Variants in UGGT2 observed in about 807,000 individuals in gnomAD.
UGGT2 encodes UDP-glucose:glycoprotein glucosyltransferase 2.
A neutral mutation model predicts 192.1 loss-of-function variants in UGGT2; 180 were observed. The ratio of observed to expected loss-of-function variants is 0.94; its 90% confidence interval spans 0.83 to 1.06. The LOEUF is 1.06. UGGT2 is among the 50% of genes least tolerant of loss of function. The pLI, the probability that UGGT2 is intolerant of heterozygous loss-of-function variation, is 0.00. For synonymous variants in UGGT2, 580 were observed against 591.0 expected (o/e 0.98, Z 0.27); for missense variants, 1,849 against 1,795.7 (o/e 1.03, Z -0.54).
intron 30 of UGGT2, among the ~76,000 whole-genome samples, chr13:95,866,889 T>C (rs1355211348): frequency 6.6e-6 from 1 of 152,146 alleles, no homozygotes; most frequent in Non-Finnish European, 1.5e-5. Context: ...CCGTTCCTCA[T>C]TGCTTTTAAA....
At position 95,887,902 on chromosome 13, in the gene UGGT2, G is replaced by C; in HGVS notation, c.3028C>G (p.Pro1010Ala). The C allele has an allele frequency of 6.3e-7, 1 of 1,595,502 alleles. No individual in the cohort carries two copies. ...MNCRGRLSEA[P>A]LESFYRFVLE... The stretch of plus-strand genomic sequence containing the variant: ...TTCACTCAGATTTACCTTTCTAAAG[G>C]GGCTTCTGAAAGCCTGCCCCTACAG... The change falls in exon 26 of 39, where the codon CCT becomes GCT. Residue 1010 changes from proline (P) to alanine (A), a missense_variant. Physicochemically the swap from Pro to Ala is conservative, Grantham distance 27 (BLOSUM62 -1). Transcript: ENST00000376747.
intron 12 of UGGT2, among the ~76,000 whole-genome samples, chr13:95,957,265 C>T (rs1315260085): frequency 6.6e-6 from 1 of 152,186 alleles, no homozygotes; most frequent in East Asian, 1.9e-4. Flanking sequence ...TTGTACAACA[C>T]TGTGAATGTA....
chr13:95,902,829 T>C, intron 21 of UGGT2, 25 bp downstream of exon 21: 1 of 1,597,982 alleles, frequency 6.3e-7, no homozygotes, highest in Non-Finnish European at 8.5e-7. Context: ...TACATACATA[T>C]TTAATATTTC....
At chr13:95,979,977 T>TA (rs775400079) in intron 10 of UGGT2, among the ~76,000 whole-genome samples, 7 of 152,066 alleles carry the variant, frequency 4.6e-5, no homozygotes, top group Non-Finnish European at 1.0e-4. Flanking sequence ...GGGTATAATT[T>TA]AAAAAACCAA....
chr13:95,925,658 G>T, intron 20 of UGGT2, 22 bp downstream of exon 20: 1 of 1,410,966 alleles, frequency 7.1e-7, no homozygotes, highest in African/African-American at 1.4e-5. Flanking sequence ...AAAATTGTTA[G>T]TAAGAATATC....
intron 2 of UGGT2, among the ~76,000 whole-genome samples, chr13:96,024,847 G>A (rs1480306910): frequency 6.6e-6 from 1 of 152,204 alleles, no homozygotes; most frequent in Non-Finnish European, 1.5e-5. Context: ...TTTCTGAGAG[G>A]AGGAAAAGGA....
chr13:95,905,809 A>C lies in UGGT2; in HGVS notation c.2296-2749T>G, dbSNP rs547352988. ...TTTTTTGGTTCCATATGAACTTTAAAGTATACATTATCTTTAAGAAGATTT... is the reference window on the plus strand; with the variant it reads ...TTTTTTGGTTCCATATGAACTTTAACGTATACATTATCTTTAAGAAGATTT... On this transcript the variant is annotated intron_variant, in intron 20 of 38. Coordinates refer to ENST00000376747, the MANE Select transcript of UGGT2 (RefSeq NM_020121.4). 3.9e-5 allele frequency among the ~76,000 whole-genome samples: 6 copies of C among 152,310 alleles called. No individual in the cohort carries two copies. The East Asian group carries it at 1.2e-3, about 29-fold the overall frequency.
rs2052581566 is a variant in UGGT2, at chr13:96,023,664, TTA to T, written c.335_336del (p.Ile112LysfsTer16). ...ATCTGAATAGCTGGGGAGTATGCCC[TTA>T]TAGAGAAAGCAAACTTTAAAAGGTT... ...HINLLKFAFS[I>X]RAYSPAIQMF... On this transcript the variant is annotated frameshift_variant, in exon 3 of 39. Coordinates refer to ENST00000376747, the MANE Select transcript of UGGT2 (RefSeq NM_020121.4). LOFTEE classifies it high-confidence loss of function. 2 of 1,611,936 alleles carry T rather than the reference TTA, an allele frequency of 1.2e-6. No individual in the cohort carries two copies. Among genetic ancestry groups the T allele is most frequent in the South Asian group, 2.2e-5 (2 of 90,888 alleles).
chr13:95,812,459 A>G (rs2139747259), intron 38 of UGGT2, among the ~76,000 whole-genome samples: 1 of 152,350 alleles, frequency 6.6e-6, no homozygotes, highest in Admixed American at 6.5e-5. Flanking sequence ...GATTTTAAGT[A>G]AAAGGATAAA....
chr13:95,865,704 T>C (rs1402423992), intron 30 of UGGT2, among the ~76,000 whole-genome samples: 1 of 152,100 alleles, frequency 6.6e-6, no homozygotes. Context: ...ACCTAGGGTA[T>C]GGGTAGGCTG....
intron 20 of UGGT2, among the ~76,000 whole-genome samples, 189 bp from the exon 21 acceptor site, chr13:95,903,249 A>G (rs2048164451): frequency 6.6e-6 from 1 of 152,156 alleles, no homozygotes; most frequent in Non-Finnish European, 1.5e-5. Flanking sequence ...TACTAACTCT[A>G]ATTCCTTCAG....
intron 5 of UGGT2, among the ~76,000 whole-genome samples, chr13:96,004,563 C>G (rs2051910548): frequency 6.6e-6 from 1 of 152,042 alleles, no homozygotes; most frequent in Non-Finnish European, 1.5e-5. Context: ...TACATGTGCA[C>G]AATGTGCAGG....
chr13:95,982,812 G>A (rs2051170073), intron 10 of UGGT2, among the ~76,000 whole-genome samples: 1 of 152,174 alleles, frequency 6.6e-6, no homozygotes, highest in Non-Finnish European at 1.5e-5. Context: ...CCGTTTTGAA[G>A]GATACACAGG....
chr13:95,843,425 A>G (rs1888069983), intron 36 of UGGT2, among the ~76,000 whole-genome samples: 1 of 152,160 alleles, frequency 6.6e-6, no homozygotes, highest in Non-Finnish European at 1.5e-5. Context: ...TGATGGGTCA[A>G]TCTGATTCTT....
chr13:95,981,153 G>C (rs1246047223), intron 10 of UGGT2, among the ~76,000 whole-genome samples: 2 of 152,174 alleles, frequency 1.3e-5, no homozygotes, highest in Non-Finnish European at 2.9e-5. Context: ...ACCCCCAAGT[G>C]AGAAAAATTA....
At chr13:95,811,134 C>A (rs1015583985) in intron 38 of UGGT2, among the ~76,000 whole-genome samples, 3 of 152,050 alleles carry the variant, frequency 2.0e-5, no homozygotes, top group African/African-American at 4.8e-5. Flanking sequence ...AGATTAGAAT[C>A]CTCATATACC....
At chr13:95,825,157 G>A (rs1885896643) in intron 38 of UGGT2, among the ~76,000 whole-genome samples, 1 of 152,120 alleles carries the variant, frequency 6.6e-6, no homozygotes, top group Non-Finnish European at 1.5e-5. Context: ...GAGGTCTCTT[G>A]AAGCTTACCT....
At chr13:96,037,183 T>C (rs950751653) in intron 1 of UGGT2, among the ~76,000 whole-genome samples, 2 of 152,072 alleles carry the variant, frequency 1.3e-5, no homozygotes, top group African/African-American at 4.8e-5. Flanking sequence ...ATGCATACTG[T>C]AAAATGCTAG....
At chr13:96,046,755 G>A (rs967072791) in intron 1 of UGGT2, among the ~76,000 whole-genome samples, 3 of 152,164 alleles carry the variant, frequency 2.0e-5, no homozygotes, top group Admixed American at 1.3e-4. Context: ...CTGGAAAATC[G>A]GGTCACTCCT....
Sources: gnomAD v4.1 joint callset for allele counts (sites outside exome capture counted in the v4.1 genomes callset) on GRCh38, gnomAD v4.1.1 for gene constraint, MANE v1.5 for transcripts, NCBI Gene and HGNC (gene_info 2026-07-23, HGNC 2026-07-21) for gene names.